The following TPTE variants were observed in gnomAD, a reference collection of about 807,000 sequenced individuals.
TPTE encodes the protein transmembrane phosphatase with tensin homology.
TPTE carries 59 observed loss-of-function variants against 84.1 expected under a neutral mutation model. The ratio of observed to expected loss-of-function variants is 0.70; its 90% CI spans 0.57 to 0.87. The LOEUF is 0.87. TPTE is among the 40% of genes least tolerant of loss of function. The probability of loss-of-function intolerance (pLI) is 0.00; values close to 1 mark genes in which losing one functional copy is unlikely to be tolerated. For synonymous variants in TPTE, 130 were observed against 223.5 expected, an observed-to-expected ratio of 0.58 and a Z score of 3.73; for missense variants, 382 against 659.6, an observed-to-expected ratio of 0.58 and a Z score of 4.61.
intron 19 of TPTE, 37 bp downstream of exon 19, chr21:10,592,410 G>T (rs1402362672): frequency 1.9e-6 from 3 of 1,607,032 alleles, no homozygotes; most frequent in Non-Finnish European, 8.5e-7. Context: ...TTTTTTTAGG[G>T]GTGTGGGTTC....
intron 9 of TPTE, among the ~76,000 whole-genome samples, chr21:10,560,008 A>G (rs1051269946): frequency 1.3e-5 from 2 of 152,296 alleles, no homozygotes; most frequent in African/African-American, 4.8e-5. Context: ...TCCACTGTCC[A>G]TCAGTTGCTA....
At chr21:10,584,879 A>AGTGTGTGTGTGT (rs56198162) in intron 17 of TPTE, among the ~76,000 whole-genome samples, 690 of 148,552 alleles carry the variant, frequency 4.6e-3, no homozygotes, top group African/African-American at 0.013. Flanking sequence ...ATGCTTTACG[A>AGTGTGTGTGTGT]GTGTGTGTGT....
At chr21:10,548,297 T>C (rs1357157300) in intron 7 of TPTE, among the ~76,000 whole-genome samples, 48 of 152,400 alleles carry the variant, frequency 3.1e-4, no homozygotes, top group African/African-American at 1.1e-3. Context: ...CCAGGCCAAC[T>C]AAGCAGCTGT....
At chr21:10,564,913 T>G (rs1019121235) in intron 10 of TPTE, among the ~76,000 whole-genome samples, 4 of 152,300 alleles carry the variant, frequency 2.6e-5, no homozygotes, top group African/African-American at 9.6e-5. Context: ...GGGGAAAAAA[T>G]GAAAAGCTTT....
intron 7 of TPTE, among the ~76,000 whole-genome samples, chr21:10,547,095 T>A (rs1376025852): frequency 6.6e-6 from 1 of 152,310 alleles, no homozygotes; most frequent in Non-Finnish European, 1.5e-5. Flanking sequence ...TGTTAGGGGC[T>A]AATGAAGCTG....
chr21:10,578,672 C>T (rs2075213363), intron 17 of TPTE, 67 bp downstream of exon 17: 1 of 1,610,670 alleles, frequency 6.2e-7, no homozygotes, highest in African/African-American at 1.3e-5. Context: ...AGTACAAGAA[C>T]AAGATACGTA....
chr21:10,533,724 T>C (rs61078218), intron 3 of TPTE, among the ~76,000 whole-genome samples: 214 of 152,344 alleles, frequency 1.4e-3, no homozygotes, highest in African/African-American at 5.0e-3. Flanking sequence ...AGAGAAGTGA[T>C]GTGCCCCAGG....
At chr21:10,563,312 G>A (rs1368564296) in intron 10 of TPTE, among the ~76,000 whole-genome samples, 2 of 152,296 alleles carry the variant, frequency 1.3e-5, no homozygotes, top group African/African-American at 2.4e-5. Context: ...ACAACCTGAA[G>A]GTATAAAACT....
At chr21:10,601,809 T>C (rs866018407) in intron 21 of TPTE, among the ~76,000 whole-genome samples, 1,249 of 149,772 alleles carry the variant, frequency 8.3e-3, no homozygotes, top group African/African-American at 0.03. Context: ...GCCGAGATCA[T>C]GCCACTGCAC....
At chr21:10,570,282 C>T (rs1435342522) in intron 13 of TPTE, among the ~76,000 whole-genome samples, 2 of 152,308 alleles carry the variant, frequency 1.3e-5, no homozygotes, top group Non-Finnish European at 2.9e-5. Flanking sequence ...GACTTAAGAA[C>T]TCCATGGCAG....
Position 10,558,724 on chromosome 21 carries a change from C to T in TPTE, c.234-770C>T, listed in dbSNP as rs2074732613. Among the ~76,000 whole-genome samples, 3 of 151,382 alleles carry T rather than the reference C, an allele frequency of 2.0e-5. No individual in the cohort carries two copies. The South Asian group carries it at 6.3e-4, about 32-fold the overall frequency. On this transcript the variant is annotated intron_variant, in intron 8 of 23. Transcript: ENST00000618007. ...GGAGGCTTCAGTATGACAGAAACTT[C>T]CTGAAGTCTTCTTCTACTGAAGCCT...
intron 3 of TPTE, among the ~76,000 whole-genome samples, chr21:10,538,384 T>G (rs2145607530): frequency 6.6e-6 from 1 of 152,426 alleles, no homozygotes; most frequent in South Asian, 2.1e-4. Context: ...CACACAAAAG[T>G]TTAGTTTGAA....
chr21:10,542,657 T>A (rs898613244), intron 6 of TPTE, among the ~76,000 whole-genome samples: 5 of 152,422 alleles, frequency 3.3e-5, no homozygotes, highest in African/African-American at 1.2e-4. Flanking sequence ...AACTAATCCA[T>A]GCACATGATG....
chr21:10,590,151 T>C (rs1281187546), intron 17 of TPTE, among the ~76,000 whole-genome samples: 29 of 152,378 alleles, frequency 1.9e-4, no homozygotes, highest in African/African-American at 6.5e-4. Flanking sequence ...TCTTTTTTAC[T>C]ATTATCCAAA....
intron 2 of TPTE, among the ~76,000 whole-genome samples, chr21:10,526,801 T>C (rs1349782667): frequency 6.6e-6 from 1 of 152,310 alleles, no homozygotes; most frequent in Admixed American, 6.5e-5. Flanking sequence ...TTTTATGAAG[T>C]TGACAGATGT....
chr21:10,566,380 A>G (rs1456366237), intron 10 of TPTE, among the ~76,000 whole-genome samples: 1 of 152,312 alleles, frequency 6.6e-6, no homozygotes, highest in African/African-American at 2.4e-5. Context: ...AGATGTGAAG[A>G]TAAGAGAACC....
chr21:10,557,231 G>T (rs1331631098), intron 8 of TPTE, among the ~76,000 whole-genome samples: 7 of 152,302 alleles, frequency 4.6e-5, no homozygotes, highest in Non-Finnish European at 7.3e-5. Context: ...TGTTGCTCCC[G>T]AGTGTGAACA....
At chr21:10,557,187 A>C (rs536905969) in intron 8 of TPTE, among the ~76,000 whole-genome samples, 18 of 152,422 alleles carry the variant, frequency 1.2e-4, no homozygotes, top group African/African-American at 3.4e-4. Context: ...CATGGAGGCT[A>C]TGCTTCGTGT....
At chr21:10,598,291 T>G (rs1261469279) in intron 21 of TPTE, among the ~76,000 whole-genome samples, 197 bp downstream of exon 21, 2 of 152,312 alleles carry the variant, frequency 1.3e-5, no homozygotes, top group Non-Finnish European at 2.9e-5. Flanking sequence ...AAACAGTTTT[T>G]TCAGGGTGCT....
Sources: gnomAD v4.1 joint callset for allele counts (sites outside exome capture counted in the v4.1 genomes callset) on GRCh38, gnomAD v4.1.1 for gene constraint, MANE v1.5 for transcripts, NCBI Gene and HGNC (gene_info 2026-07-23, HGNC 2026-07-21) for gene names.